CMSS1: variants seen among roughly 807,000 people sequenced by gnomAD.
CMSS1 encodes cms1 ribosomal small subunit homolog.
A neutral mutation model predicts 43.5 loss-of-function variants in CMSS1; 33 were observed. The observed-to-expected ratio is 0.76, with a 90% confidence interval of 0.57 to 1.01. The LOEUF is 1.01. Ranked by LOEUF, CMSS1 falls within the 50% of genes least tolerant of loss-of-function variation. The probability of loss-of-function intolerance (pLI) is 0.00; values close to 1 mark genes in which losing one functional copy is unlikely to be tolerated. For missense variants in CMSS1, 313 were observed against 326.4 expected (o/e 0.96, Z 0.32); for synonymous variants, 115 against 117.2 (o/e 0.98, Z 0.12).
chr3:100,094,036 A>G (rs186935529), intron 1 of CMSS1, among the ~76,000 whole-genome samples: 36 of 152,348 alleles, frequency 2.4e-4, no homozygotes, highest in Middle Eastern at 3.4e-3. Flanking sequence ...ACCAACTTAC[A>G]TTCCTACCAG....
At chr3:100,128,202 T>C (rs912377186) in intron 1 of CMSS1, among the ~76,000 whole-genome samples, 1 of 152,236 alleles carries the variant, frequency 6.6e-6, no homozygotes, top group Non-Finnish European at 1.5e-5. Context: ...CTTTTCCTGG[T>C]CTGTGCACTG....
intron 1 of CMSS1, among the ~76,000 whole-genome samples, chr3:99,858,819 T>C (rs1027341233): frequency 1.3e-5 from 2 of 152,224 alleles, no homozygotes; most frequent in African/African-American, 4.8e-5. Context: ...CTCCAGAGGA[T>C]AGACAGTTGA....
intron 1 of CMSS1, among the ~76,000 whole-genome samples, chr3:100,068,349 T>C (rs2065701551): frequency 1.2e-5 from 1 of 82,400 alleles, no homozygotes; most frequent in Non-Finnish European, 2.7e-5. Flanking sequence ...TGAAAGAGCC[T>C]CTGTGTGTGT....
chr3:100,028,306 A>G (rs2064964163), intron 1 of CMSS1, among the ~76,000 whole-genome samples: 1 of 152,172 alleles, frequency 6.6e-6, no homozygotes, highest in South Asian at 2.1e-4. Context: ...GTCATTTTTC[A>G]GCCTTTGTTC....
chr3:99,937,411 T>A (rs975725909), intron 1 of CMSS1, among the ~76,000 whole-genome samples: 1 of 152,232 alleles, frequency 6.6e-6, no homozygotes, highest in Non-Finnish European at 1.5e-5. Context: ...TTTTAAATTT[T>A]CATGTGCTTT....
chr3:99,987,171 A>G (rs1709365782), intron 1 of CMSS1, among the ~76,000 whole-genome samples: 2 of 151,350 alleles, frequency 1.3e-5, no homozygotes, highest in Middle Eastern at 3.5e-3. Context: ...TTGAGGCTTC[A>G]GTGAGCCAAG....
chr3:100,129,109 C>T (rs181069444), intron 1 of CMSS1, among the ~76,000 whole-genome samples: 197 of 152,342 alleles, frequency 1.3e-3, no homozygotes, highest in Non-Finnish European at 2.4e-3. Context: ...CTAGCCCGTA[C>T]CTCACACCTG....
At position 99,836,584 on chromosome 3, in the gene CMSS1, C is replaced by T. The variant is rs545951922; in HGVS notation, c.64+18541C>T. ...CTCTTTTCTTCTCCCACCATAGGTA[C>T]TTCTACATCCCTTTCCCAGAGCCTG... On this transcript the variant is annotated intron_variant, in intron 1 of 9. Coordinates refer to ENST00000421999, the MANE Select transcript of CMSS1 (RefSeq NM_032359.4). 3.9e-5 allele frequency among the ~76,000 whole-genome samples: 6 copies of T among 152,304 alleles called. No homozygotes were observed. The South Asian group carries it at 1.2e-3, about 32-fold the overall frequency.
chr3:99,889,480 A>G, intron 1 of CMSS1, among the ~76,000 whole-genome samples: 1 of 152,092 alleles, frequency 6.6e-6, no homozygotes, highest in East Asian at 1.9e-4. Context: ...TGAGTCTCAT[A>G]TAAATAACGT....
At chr3:100,104,764 A>T (rs2066366597) in intron 1 of CMSS1, among the ~76,000 whole-genome samples, 2 of 152,058 alleles carry the variant, frequency 1.3e-5, no homozygotes, top group Non-Finnish European at 2.9e-5. Context: ...ATCAAGAGAA[A>T]CTCAGAAAAA....
chr3:100,171,489 G>GC (rs2067109808), intron 6 of CMSS1, among the ~76,000 whole-genome samples: 1 of 152,046 alleles, frequency 6.6e-6, no homozygotes, highest in South Asian at 2.1e-4. Context: ...TATGAGAACT[G>GC]CACTGCATAG....
intron 1 of CMSS1, among the ~76,000 whole-genome samples, chr3:99,929,382 C>T (rs1310994220): frequency 6.6e-6 from 1 of 152,208 alleles, no homozygotes; most frequent in Non-Finnish European, 1.5e-5. Context: ...ATTTCTTGGA[C>T]AGTTCTTTAG....
At chr3:99,982,544 C>T (rs1280894280) in intron 1 of CMSS1, among the ~76,000 whole-genome samples, 2 of 152,150 alleles carry the variant, frequency 1.3e-5, no homozygotes, top group East Asian at 3.9e-4. Context: ...GTCTCTCACT[C>T]TGTTGCCCAG....
chr3:100,091,076 G>A (rs946278895), intron 1 of CMSS1, among the ~76,000 whole-genome samples: 3 of 152,130 alleles, frequency 2.0e-5, no homozygotes, highest in African/African-American at 7.2e-5. Flanking sequence ...ACGAGATCAG[G>A]AGATCGAGAC....
chr3:99,869,594 T>A (rs1944687804), intron 1 of CMSS1, among the ~76,000 whole-genome samples: 2 of 152,142 alleles, frequency 1.3e-5, no homozygotes, highest in African/African-American at 4.8e-5. Context: ...AATGGGTGTT[T>A]GTCTTCAGCA....
At chr3:99,939,180 G>A (rs1162185135) in intron 1 of CMSS1, among the ~76,000 whole-genome samples, 1 of 152,190 alleles carries the variant, frequency 6.6e-6, no homozygotes, top group Non-Finnish European at 1.5e-5. Flanking sequence ...TGGTGCAGTA[G>A]TCTCTCATCC....
At position 99,988,474 on chromosome 3, in the gene CMSS1, T is replaced by C. The variant is rs531000256; in HGVS notation, c.65-158499T>C. On this transcript the variant is annotated intron_variant, in intron 1 of 9. Transcript: ENST00000421999. ...TTGCAGTGAGCCGAGATCATGCCAC[T>C]GCACTCCAGCCTGGGCGACAGAGCG... Among the ~76,000 whole-genome samples the C allele has an allele frequency of 1.7e-4, 22 of 131,080 alleles. 2 individuals carry two copies. In the South Asian group the frequency reaches 3.0e-3, roughly 18 times the overall value. The allele number at this position is 131,080 out of a possible 152,430, so 86.0% of individuals were successfully genotyped here.
chr3:99,883,429 T>C (rs1705794109), intron 1 of CMSS1, among the ~76,000 whole-genome samples: 1 of 152,212 alleles, frequency 6.6e-6, no homozygotes, highest in African/African-American at 2.4e-5. Flanking sequence ...GTCCAAAAGG[T>C]TGGTGCTTAG....
intron 1 of CMSS1, among the ~76,000 whole-genome samples, chr3:99,998,545 G>A (rs1709748006): frequency 1.3e-5 from 2 of 152,190 alleles, no homozygotes; most frequent in South Asian, 4.1e-4. Flanking sequence ...GGAGAAAAAT[G>A]CAGGTATTTT....
Sources: allele counts gnomAD v4.1 joint callset (sites outside exome capture counted in the v4.1 genomes callset), GRCh38; gene constraint gnomAD v4.1.1; transcripts MANE v1.5; gene names NCBI Gene and HGNC (gene_info 2026-07-23, HGNC 2026-07-21).